Variants in NRG4 observed in about 807,000 individuals in gnomAD.
NRG4 encodes the protein pro-neuregulin-4, membrane-bound isoform.
In NRG4, 10 loss-of-function variants were observed where a neutral mutation model predicts 15.0. The observed-to-expected ratio is 0.67, with a 90% CI of 0.41 to 1.13. The LOEUF (loss-of-function observed/expected upper bound fraction) is 1.13, where lower values mean the gene tolerates loss of function less well. Ranked by LOEUF, NRG4 falls within the 50% of genes most tolerant of loss-of-function variation. NRG4 has a pLI of 0.00. For missense variants in NRG4, 139 were observed against 140.2 expected (o/e 0.99, Z 0.04); for synonymous variants, 41 against 50.1 (o/e 0.82, Z 0.77).
At chr15:75,944,618 A>G (rs1169855686) in intron 5 of NRG4, among the ~76,000 whole-genome samples, 1 of 152,198 alleles carries the variant, frequency 6.6e-6, no homozygotes, top group African/African-American at 2.4e-5. Flanking sequence ...TTAAAAATAT[A>G]ATGTACCTTT....
intron 5 of NRG4, among the ~76,000 whole-genome samples, chr15:76,028,906 A>G (rs988605784): frequency 0.012 from 1,788 of 147,776 alleles, 13 homozygotes; most frequent in African/African-American, 0.043. Context: ...CCTCCTCCAA[A>G]AAAAAAAAAA....
chr15:75,990,681 TTTG>T (rs2033978602), intron 3 of NRG4, among the ~76,000 whole-genome samples: 3 of 144,982 alleles, frequency 2.1e-5, no homozygotes, highest in African/African-American at 7.8e-5. Context: ...GTTTTTTTTT[TTTG>T]TTTTTTTTTT....
chr15:76,039,012 G>A (rs1304735231), intron 4 of NRG4, among the ~76,000 whole-genome samples: 2 of 152,130 alleles, frequency 1.3e-5, no homozygotes, highest in African/African-American at 2.4e-5. Context: ...TCACCAAGAC[G>A]GTACTTCTAC....
exon 2 of NRG4, chr15:76,056,963 T>C (rs939335910): frequency 6.6e-6 from 1 of 152,178 alleles, no homozygotes; most frequent in African/African-American, 2.4e-5. Context: ...CCTCAAAAGG[T>C]ATCTTGGTAT....
downstream of NRG4, chr15:75,937,532 AG>A (rs2030494718): frequency 6.7e-6 from 1 of 149,338 alleles, no homozygotes; most frequent in Non-Finnish European, 1.5e-5. Flanking sequence ...AAAAAAAAAA[AG>A]CAACTGTCTG....
At chr15:76,052,926 A>T (rs1445981746) in intron 3 of NRG4, 1 of 151,138 alleles carries the variant, frequency 6.6e-6, no homozygotes, top group Non-Finnish European at 1.5e-5. Context: ...AAAACATCAA[A>T]AATGTATCTA....
In NRG4 at chr15:75,976,140, C is replaced by T. The variant is rs147900463; in HGVS notation, c.105-14166G>A. 1.2e-4 allele frequency among the ~76,000 whole-genome samples: 19 copies of T among 152,210 alleles called. No homozygotes were observed. In the East Asian group the frequency reaches 2.7e-3, roughly 22 times the overall value. ...CTTGATCGATTTGTCTATTGATACC[C>T]GTGTATGCTTTACGAAATTCTCGTG... On this transcript the variant is annotated intron_variant, in intron 3 of 5. Transcript: ENST00000394907.
intron 4 of NRG4, among the ~76,000 whole-genome samples, chr15:76,048,115 G>A (rs895352888): frequency 6.8e-6 from 1 of 147,652 alleles, no homozygotes; most frequent in Non-Finnish European, 1.5e-5. Flanking sequence ...CTATGATCTT[G>A]TCACTGTACT....
intron 2 of NRG4, among the ~76,000 whole-genome samples, chr15:76,054,947 G>T (rs1303730822): frequency 1.3e-5 from 2 of 152,114 alleles, no homozygotes; most frequent in Non-Finnish European, 2.9e-5. Context: ...AATGAAAAAA[G>T]AAAAAAATTC....
At chr15:76,014,365 GT>G (rs2034910622), upstream of NRG4, among the ~76,000 whole-genome samples, 1 of 152,064 alleles carries the variant, frequency 6.6e-6, no homozygotes, top group Non-Finnish European at 1.5e-5. Flanking sequence ...CCATTTGTCA[GT>G]TTTGGCTTTT....
chr15:75,998,533 T>C (rs983806328), intron 3 of NRG4, among the ~76,000 whole-genome samples: 1 of 152,068 alleles, frequency 6.6e-6, no homozygotes, highest in Non-Finnish European at 1.5e-5. Context: ...TTGGCTGCAG[T>C]AGATTGAGCA....
At chr15:76,001,310 C>T (rs2141891644) in intron 3 of NRG4, among the ~76,000 whole-genome samples, 1 of 151,714 alleles carries the variant, frequency 6.6e-6, no homozygotes, top group South Asian at 2.1e-4. Context: ...ATTTTTGTAG[C>T]CACATTGAAA....
intron 3 of NRG4, among the ~76,000 whole-genome samples, chr15:75,967,867 T>C (rs2032891480): frequency 6.6e-6 from 1 of 152,210 alleles, no homozygotes; most frequent in Non-Finnish European, 1.5e-5. Context: ...TAAATAAGTC[T>C]TCATAGAGAA....
At position 75,941,522 on chromosome 15, in the gene NRG4, C is replaced by G. The variant is rs1459929777; in HGVS notation, c.*2116G>C. On this transcript the variant is annotated 3_prime_UTR_variant, in exon 6 of 6. Transcript: ENST00000394907. ...ACCGTAGTCAAAAGGTAGAAACAACCCAAATACCCAACAGATGAATGGATA... is the reference window on the plus strand; with the variant it reads ...ACCGTAGTCAAAAGGTAGAAACAACGCAAATACCCAACAGATGAATGGATA... 2 of 152,086 alleles carry G rather than the reference C, an allele frequency of 1.3e-5. No individual in the cohort carries two copies. Among genetic ancestry groups the G allele is most frequent in the Non-Finnish European group, 2.9e-5 (2 of 68,016 alleles). The allele number at this position is 152,086 out of a possible 1,614,324, so 9.4% of individuals were successfully genotyped here.
intron 4 of NRG4, among the ~76,000 whole-genome samples, chr15:75,957,255 A>G (rs565157153): frequency 6.6e-6 from 1 of 152,302 alleles, no homozygotes; most frequent in East Asian, 1.9e-4. Flanking sequence ...TATAGGATCA[A>G]CTTCCTTTTA....
At chr15:76,009,431 G>T in intron 2 of NRG4, 138 bp from the exon 3 acceptor site, 1 of 539,612 alleles carries the variant, frequency 1.9e-6, no homozygotes, top group East Asian at 3.1e-5. Context: ...CAAAATGAAA[G>T]ATTTAATTCT....
intron 3 of NRG4, among the ~76,000 whole-genome samples, chr15:75,981,494 G>A (rs920853164): frequency 2.0e-5 from 3 of 152,144 alleles, no homozygotes; most frequent in African/African-American, 7.2e-5. Context: ...TAGAAGTAAG[G>A]TGTTTGTGTA....
chr15:75,986,248 G>A (rs2033799099), intron 3 of NRG4, among the ~76,000 whole-genome samples: 1 of 152,146 alleles, frequency 6.6e-6, no homozygotes, highest in African/African-American at 2.4e-5. Context: ...CAGCTGGTAA[G>A]AATTCACATT....
Position 76,009,208 on chromosome 15 carries a change from TG to T in NRG4, c.95del (p.Pro32HisfsTer40). ...TAGTCCATTTCACTCACCTACAAAATGGGCTGGGAATAGTAGGTATCACATA... is the reference window on the plus strand; with the variant it reads ...TAGTCCATTTCACTCACCTACAAAATGGCTGGGAATAGTAGGTATCACATA... ...LCYVIPTIPSPFCRCVENYTG... is the reference protein window; with the variant it reads ...LCYVIPTIPSXFCRCVENYTG... On this transcript the variant is annotated frameshift_variant, in exon 3 of 6. Coordinates refer to ENST00000394907, the MANE Select transcript of NRG4 (RefSeq NM_138573.4). LOFTEE classifies it high-confidence loss of function. The T allele has an allele frequency of 6.5e-7, 1 of 1,550,336 alleles. No individual in the cohort carries two copies. The highest frequency in any genetic ancestry group is 8.9e-7 in the Non-Finnish European group (1 of 1,121,960).
Sources: allele counts gnomAD v4.1 joint callset (sites outside exome capture counted in the v4.1 genomes callset), GRCh38; gene constraint gnomAD v4.1.1; transcripts MANE v1.5; gene names NCBI Gene and HGNC (gene_info 2026-07-23, HGNC 2026-07-21).